KAT6A: variants seen among roughly 807,000 people sequenced by gnomAD.
KAT6A encodes the protein lysine acetyltransferase 6A.
In KAT6A, 9 loss-of-function variants were observed where a neutral mutation model predicts 198.4. The observed-to-expected ratio is 0.05, with a 90% CI of 0.03 to 0.08. KAT6A has a LOEUF of 0.08. KAT6A is among the 10% of genes least tolerant of loss of function. The pLI is 1.00. For missense variants in KAT6A, 2,077 were observed against 2,509.9 expected (o/e 0.83, Z 3.69); for synonymous variants, 890 against 883.0 (o/e 1.01, Z -0.14).
chr8:41,958,888 G>A (rs1184412774), intron 8 of KAT6A, among the ~76,000 whole-genome samples: 1 of 152,176 alleles, frequency 6.6e-6, no homozygotes, highest in African/African-American at 2.4e-5. Flanking sequence ...GGCCGGGCGT[G>A]GTGGCTCACG....
At chr8:41,943,393 C>T (rs1461911821) in intron 13 of KAT6A, among the ~76,000 whole-genome samples, 3 of 152,084 alleles carry the variant, frequency 2.0e-5, no homozygotes, top group Non-Finnish European at 4.4e-5. Context: ...TACTTTGTGC[C>T]ATTTATATGA....
chr8:41,951,721 A>C (rs1246629875), intron 9 of KAT6A, among the ~76,000 whole-genome samples: 13 of 152,224 alleles, frequency 8.5e-5, no homozygotes, highest in Admixed American at 8.5e-4. Context: ...GAATGATGCA[A>C]TTATTATTCT....
At chr8:41,952,173 G>T (rs1587733902) in intron 9 of KAT6A, among the ~76,000 whole-genome samples, 1 of 152,338 alleles carries the variant, frequency 6.6e-6, no homozygotes, top group African/African-American at 2.4e-5. Flanking sequence ...AGGCATTAGG[G>T]ATTCTATTTG....
rs200115080 is a variant in KAT6A, at chr8:41,934,405, T to C, written c.3815A>G (p.Glu1272Gly). The C allele has an allele frequency of 8.0e-5, 129 of 1,612,702 alleles. 1 individual carries two copies. Among genetic ancestry groups the C allele is most frequent in the Non-Finnish European group, 5.1e-6 (6 of 1,179,418 alleles). ...TGAGACACGGGGCTTCTCTTCTTCCTCCTCCACCTCAGGCTCCTTGGTTTC... is the reference window on the plus strand; with the variant it reads ...TGAGACACGGGGCTTCTCTTCTTCCCCCTCCACCTCAGGCTCCTTGGTTTC... ...ETETKEPEVE[E>G]EEEKPRVSEE... The change falls in exon 17 of 17, where the codon GAG becomes GGG. Residue 1272 changes from glutamate to glycine, a missense_variant. Coordinates refer to ENST00000265713, the MANE Select transcript of KAT6A (RefSeq NM_006766.5).
intron 5 of KAT6A, 132 bp downstream of exon 5, chr8:41,980,714 A>G: frequency 1.4e-6 from 1 of 704,236 alleles, no homozygotes; most frequent in Non-Finnish European, 2.6e-6. Flanking sequence ...TTAAGGTGAC[A>G]GTTCTCTTCC....
intron 13 of KAT6A, among the ~76,000 whole-genome samples, chr8:41,943,352 G>C (rs1564012484): frequency 6.6e-6 from 1 of 152,186 alleles, no homozygotes; most frequent in Non-Finnish European, 1.5e-5. Flanking sequence ...AGTGAAGGGT[G>C]AACTGTCTGT....
At chr8:41,960,379 C>T (rs1471166678) in intron 8 of KAT6A, among the ~76,000 whole-genome samples, 3 of 151,870 alleles carry the variant, frequency 2.0e-5, no homozygotes, top group African/African-American at 4.8e-5. Flanking sequence ...ACCATCCTGG[C>T]TAGCAAGGTG....
intron 3 of KAT6A, among the ~76,000 whole-genome samples, chr8:41,983,024 A>G (rs1463920343): frequency 6.6e-6 from 1 of 152,208 alleles, no homozygotes; most frequent in African/African-American, 2.4e-5. Context: ...TCTGCTCACA[A>G]TTTAAGGCAT....
At chr8:41,966,269 C>T (rs539960101) in intron 8 of KAT6A, among the ~76,000 whole-genome samples, 10 of 152,154 alleles carry the variant, frequency 6.6e-5, no homozygotes, top group Middle Eastern at 3.4e-3. Context: ...CTCCCCTTAT[C>T]CCCAGCTTTG....
At chr8:42,023,885 A>G (rs1826671770) in intron 2 of KAT6A, among the ~76,000 whole-genome samples, 1 of 152,118 alleles carries the variant, frequency 6.6e-6, no homozygotes, top group Non-Finnish European at 1.5e-5. Flanking sequence ...AACAAACATT[A>G]AACATTAGCC....
Position 41,941,312 on chromosome 8 carries a change from G to A in KAT6A, c.2569C>T (p.Pro857Ser), listed in dbSNP as rs371724516. The A allele has an allele frequency of 1.1e-5, 18 of 1,613,706 alleles. No homozygotes were observed. Among genetic ancestry groups the A allele is most frequent in the Non-Finnish European group, 1.4e-5 (16 of 1,180,014 alleles). ...CTCCGAGATGGCTGGCTATTTGCAGGAAGACTATCATGAGGAAGGACTTGT... is the reference window on the plus strand; with the variant it reads ...CTCCGAGATGGCTGGCTATTTGCAGAAAGACTATCATGAGGAAGGACTTGT... ...SKQVLPHDSLPANSQPSRRGR... is the reference protein window; with the variant it reads ...SKQVLPHDSLSANSQPSRRGR... The change falls in exon 15 of 17, where the codon CCT (proline) becomes TCT (serine). Residue 857 changes from proline (P) to serine (S), a missense_variant. By Grantham distance (74) the Pro-to-Ser change is moderately conservative (BLOSUM62 -1). Around this residue, in one of 13 missense-constraint regions of KAT6A, gnomAD observed 301 missense variants for 272.2 expected, o/e 1.11. Transcript: ENST00000265713.
Position 42,038,520 on chromosome 8 carries a change from A to C in KAT6A, c.600+9858T>G, listed in dbSNP as rs985940326. Among the ~76,000 whole-genome samples, 3 of 140,234 alleles carry C rather than the reference A, an allele frequency of 2.1e-5. 1 individual carries two copies. Among genetic ancestry groups the C allele is most frequent in the East Asian group, 2.2e-4 (1 of 4,480 alleles). 92.0% of individuals were successfully genotyped at this position (140,234 alleles called of 152,430 possible). A position where few individuals can be genotyped will look rare whatever the true frequency, so the allele number is the denominator to read the frequency against. ...TTTAGGCTCACTGCTCTCTAATACT[A>C]TAAAGCAGTACTACAGCATAATGAA... On this transcript the variant is annotated intron_variant, in intron 2 of 16. Transcript: ENST00000265713.
At chr8:41,955,992 T>C (rs964246242) in intron 8 of KAT6A, among the ~76,000 whole-genome samples, 6 of 152,246 alleles carry the variant, frequency 3.9e-5, no homozygotes, top group Non-Finnish European at 8.8e-5. Flanking sequence ...TGCATAGATT[T>C]AACCAAAGAA....
intron 2 of KAT6A, among the ~76,000 whole-genome samples, chr8:42,023,161 T>A (rs143458150): frequency 1.8e-4 from 27 of 152,298 alleles, no homozygotes; most frequent in South Asian, 1.7e-3. Flanking sequence ...AAATACAATA[T>A]ATAAGATTTT....
intron 2 of KAT6A, among the ~76,000 whole-genome samples, chr8:41,991,129 C>T (rs1824924432): frequency 6.6e-6 from 1 of 152,034 alleles, no homozygotes; most frequent in Non-Finnish European, 1.5e-5. Context: ...ACCACATGAT[C>T]CAGCACTTCC....
At chr8:42,042,723 G>A (rs1008171992) in intron 2 of KAT6A, among the ~76,000 whole-genome samples, 1 of 152,066 alleles carries the variant, frequency 6.6e-6, no homozygotes, top group Admixed American at 6.5e-5. Context: ...CCAACTGAAC[G>A]CTTTAGCAAA....
rs993888376 is a variant in KAT6A at position 41,973,817 on chromosome 8, A to G, written c.1482+887T>C. Among the ~76,000 whole-genome samples, 3 of 152,058 alleles carry G rather than the reference A, an allele frequency of 2.0e-5. 1 individual carries two copies. The highest frequency in any genetic ancestry group is 1.9e-4 in the East Asian group (1 of 5,182). On this transcript the variant is annotated intron_variant, in intron 8 of 16. Transcript: ENST00000265713. Reference sequence around the variant, plus strand: ...CTCCCTACATATCCCTTTAAGGGATATGTACAACTCCTACATATCCTTTAA... The same window carrying G: ...CTCCCTACATATCCCTTTAAGGGATGTGTACAACTCCTACATATCCTTTAA...
chr8:42,049,464 C>A (rs1802487263), intron 1 of KAT6A, 162 bp from the exon 2 acceptor site: 2 of 169,854 alleles, frequency 1.2e-5, no homozygotes, highest in African/African-American at 2.5e-5. Context: ...GTATGTAAAC[C>A]ATTGGGATAA....
At chr8:41,942,411 G>A (rs1385873857) in intron 14 of KAT6A, 2 of 267,994 alleles carry the variant, frequency 7.5e-6, no homozygotes, top group East Asian at 5.4e-5. Context: ...CTCCTAAAGC[G>A]CTGAGATTAC....
Sources: gnomAD v4.1 joint callset for allele counts (sites outside exome capture counted in the v4.1 genomes callset) on GRCh38, gnomAD v4.1.1 for gene constraint, gnomAD v4.1.1 regional missense constraint, MANE v1.5 for transcripts, NCBI Gene and HGNC (gene_info 2026-07-23, HGNC 2026-07-21) for gene names.